RPS6KA5: variants seen among roughly 807,000 people sequenced by gnomAD.
RPS6KA5 encodes the protein ribosomal protein S6 kinase alpha-5.
In RPS6KA5, 27 loss-of-function variants were observed where a neutral mutation model predicts 85.5. The observed-to-expected ratio is 0.32, with a 90% CI of 0.23 to 0.44. The LOEUF (loss-of-function observed/expected upper bound fraction) is 0.44. RPS6KA5 is among the 20% of genes least tolerant of loss of function. The pLI, the probability that RPS6KA5 is intolerant of heterozygous loss-of-function variation, is 1.00. For missense variants in RPS6KA5, 811 were observed against 980.9 expected, an observed-to-expected ratio of 0.83 and a Z score of 2.31; for synonymous variants, 334 against 348.2, an observed-to-expected ratio of 0.96 and a Z score of 0.46.
At position 90,875,019 on chromosome 14, in the gene RPS6KA5, G is replaced by C. The variant is rs1008621852; in HGVS notation, c.1996+182C>G. ...AAGTGCTAGCTCATGTTAGAAATGT[G>C]GATACCATTACTAAAGAGAATGTTC... On this transcript the variant is annotated intron_variant, in intron 15 of 16. Coordinates refer to ENST00000614987, the MANE Select transcript of RPS6KA5 (RefSeq NM_004755.4). Among the ~76,000 whole-genome samples, 21 of 152,212 alleles carry C rather than the reference G, an allele frequency of 1.4e-4. No homozygotes were observed. In the South Asian group the frequency reaches 1.5e-3, roughly 11 times the overall value.
intron 12 of RPS6KA5, 61 bp from the exon 13 acceptor site, chr14:90,894,644 T>A: frequency 1.9e-6 from 3 of 1,546,126 alleles, no homozygotes; most frequent in Non-Finnish European, 2.6e-6. Context: ...TATTAACATA[T>A]AAAACATTTA....
In RPS6KA5 at chr14:90,866,933, T is replaced by C. The variant is rs1189560538; in HGVS notation, c.*5141A>G. 1 of 152,240 alleles carries C rather than the reference T, an allele frequency of 6.6e-6. No individual in the cohort carries two copies. Among genetic ancestry groups the C allele is most frequent in the Non-Finnish European group, 1.5e-5 (1 of 68,034 alleles). The allele number at this position is 152,240 out of a possible 1,614,324, so 9.4% of individuals were successfully genotyped here. A position where few individuals can be genotyped will look rare whatever the true frequency, so the allele number is the denominator to read the frequency against. ...AATTTCAGCAAATAGGATAGCAGTA[T>C]AGTACCTAAAATAAACTATTAGGAA... On this transcript the variant is annotated 3_prime_UTR_variant, in exon 17 of 17. Coordinates refer to ENST00000614987, the MANE Select transcript of RPS6KA5 (RefSeq NM_004755.4).
At chr14:91,000,512 C>G (rs917083478) in intron 2 of RPS6KA5, among the ~76,000 whole-genome samples, 3 of 152,130 alleles carry the variant, frequency 2.0e-5, no homozygotes, top group Admixed American at 2.0e-4. Context: ...AATATTGTGT[C>G]CTGGCTGGGC....
intron 2 of RPS6KA5, among the ~76,000 whole-genome samples, chr14:90,994,686 C>CT (rs901191217): frequency 1.4e-5 from 2 of 146,686 alleles, no homozygotes; most frequent in African/African-American, 5.0e-5. Context: ...ATTCTCCTGT[C>CT]TCAGCCTCCC....
chr14:90,980,966 G>A (rs536055739), intron 2 of RPS6KA5, among the ~76,000 whole-genome samples: 1 of 152,328 alleles, frequency 6.6e-6, no homozygotes, highest in South Asian at 2.1e-4. Flanking sequence ...GAGGTCAGGA[G>A]TTTGAGACCA....
At chr14:90,958,654 C>A (rs1051507935) in intron 3 of RPS6KA5, among the ~76,000 whole-genome samples, 24 of 152,086 alleles carry the variant, frequency 1.6e-4, no homozygotes, top group African/African-American at 5.6e-4. Flanking sequence ...TTTTATTCAA[C>A]AGATATCTGA....
chr14:90,922,788 C>T (rs1566744608), intron 6 of RPS6KA5, among the ~76,000 whole-genome samples: 1 of 152,210 alleles, frequency 6.6e-6, no homozygotes, highest in East Asian at 1.9e-4. Flanking sequence ...GCTCTCTCAA[C>T]AGAAATAAAA....
At chr14:90,958,186 G>A (rs1450630230) in intron 3 of RPS6KA5, among the ~76,000 whole-genome samples, 1 of 151,938 alleles carries the variant, frequency 6.6e-6, no homozygotes, top group Non-Finnish European at 1.5e-5. Context: ...ATTAGATGGG[G>A]CTATTTGAGT....
chr14:90,883,535 T>C (rs930377312), intron 14 of RPS6KA5, among the ~76,000 whole-genome samples: 2 of 152,204 alleles, frequency 1.3e-5, no homozygotes, highest in African/African-American at 4.8e-5. Context: ...ATACATTTTG[T>C]CTTGATGTTC....
At chr14:91,059,588 T>G (rs1286218566) in intron 1 of RPS6KA5, among the ~76,000 whole-genome samples, 1 of 152,176 alleles carries the variant, frequency 6.6e-6, no homozygotes, top group African/African-American at 2.4e-5. Context: ...TTTAATTAGT[T>G]ATAAAGCTTA....
At chr14:90,950,543 T>C (rs1467028130) in intron 3 of RPS6KA5, among the ~76,000 whole-genome samples, 4 of 152,274 alleles carry the variant, frequency 2.6e-5, no homozygotes, top group Admixed American at 6.5e-5. Flanking sequence ...TAGATGCCTT[T>C]ATCAGGTTAA....
chr14:90,967,135 G>A (rs1323793364), intron 3 of RPS6KA5, among the ~76,000 whole-genome samples: 1 of 152,168 alleles, frequency 6.6e-6, no homozygotes, highest in African/African-American at 2.4e-5. Flanking sequence ...TCATCCCATT[G>A]AAATTGACTT....
At chr14:90,998,853 G>A (rs1226829760) in intron 2 of RPS6KA5, among the ~76,000 whole-genome samples, 2 of 152,128 alleles carry the variant, frequency 1.3e-5, no homozygotes, top group Non-Finnish European at 2.9e-5. Context: ...ACTCAGGGAG[G>A]TTATAAAGAC....
intron 1 of RPS6KA5, among the ~76,000 whole-genome samples, chr14:91,057,004 C>T (rs1035611864): frequency 4.7e-5 from 7 of 150,314 alleles, no homozygotes; most frequent in South Asian, 4.2e-4. Context: ...CTCAGCCTCC[C>T]GAGTAGCTGG....
Position 91,022,087 on chromosome 14 carries a change from CTTATA to C in RPS6KA5, c.104-20933_104-20929del, listed in dbSNP as rs1309949162. 2.0e-5 allele frequency among the ~76,000 whole-genome samples: 3 copies of C among 152,170 alleles called. No individual in the cohort carries two copies. In the East Asian group the frequency reaches 5.8e-4, roughly 29 times the overall value. Reference sequence around the variant, plus strand: ...CACAAATATTTATGCTGTACATGAACTTATATTGTATACATATGTGGTATGCGTGT... The same window carrying C: ...CACAAATATTTATGCTGTACATGAACTTGTATACATATGTGGTATGCGTGT... On this transcript the variant is annotated intron_variant, in intron 1 of 16. Coordinates refer to ENST00000614987, the MANE Select transcript of RPS6KA5 (RefSeq NM_004755.4).
intron 2 of RPS6KA5, among the ~76,000 whole-genome samples, chr14:90,994,827 C>T (rs1469661078): frequency 2.0e-5 from 3 of 151,828 alleles, no homozygotes; most frequent in Non-Finnish European, 2.9e-5. Flanking sequence ...CTGCCTCGGC[C>T]TCCCAAAGTG....
intron 1 of RPS6KA5, among the ~76,000 whole-genome samples, chr14:91,046,126 A>G (rs962649146): frequency 6.6e-6 from 1 of 152,074 alleles, no homozygotes; most frequent in Non-Finnish European, 1.5e-5. Context: ...CATAATCGCA[A>G]TCATAGGGTT....
intron 1 of RPS6KA5, among the ~76,000 whole-genome samples, chr14:91,021,234 TC>T (rs1287508605): frequency 6.6e-6 from 1 of 152,186 alleles, no homozygotes; most frequent in Non-Finnish European, 1.5e-5. Flanking sequence ...TTCCACTTCT[TC>T]CAAGTTTATC....
chr14:91,053,086 C>T (rs1457109561), intron 1 of RPS6KA5, among the ~76,000 whole-genome samples: 2 of 152,016 alleles, frequency 1.3e-5, no homozygotes, highest in Non-Finnish European at 2.9e-5. Flanking sequence ...TAATGTAATA[C>T]ACCATATGAA....
Sources: allele counts gnomAD v4.1 joint callset (sites outside exome capture counted in the v4.1 genomes callset), GRCh38; gene constraint gnomAD v4.1.1; transcripts MANE v1.5; gene names NCBI Gene and HGNC (gene_info 2026-07-23, HGNC 2026-07-21).